NREP: variants seen among roughly 807,000 people sequenced by gnomAD.
The protein encoded by NREP is neuronal regeneration related protein, also known as neuronal regeneration-related protein.
Under a neutral mutation model 8.6 loss-of-function variants are expected in NREP, and 5 were observed. The ratio of observed to expected loss-of-function variants is 0.58; its 90% CI spans 0.30 to 1.22. The LOEUF (loss-of-function observed/expected upper bound fraction) is 1.22, where lower values mean the gene tolerates loss of function less well. Ranked by LOEUF, NREP falls within the 50% of genes most tolerant of loss-of-function variation. The pLI, the probability that NREP is intolerant of heterozygous loss-of-function variation, is 0.07. For missense variants in NREP, 86 were observed against 82.5 expected, an observed-to-expected ratio of 1.04 and a Z score of -0.17; for synonymous variants, 27 against 28.0, an observed-to-expected ratio of 0.96 and a Z score of 0.11.
At chr5:111,756,883 C>G (rs1750747945) in intron 1 of NREP, among the ~76,000 whole-genome samples, 1 of 152,162 alleles carries the variant, frequency 6.6e-6, no homozygotes, top group African/African-American at 2.4e-5. Context: ...AAACCCCACC[C>G]CTTCCCAAAA....
At chr5:111,798,096 T>A (rs1751913864) in intron 2 of NREP, among the ~76,000 whole-genome samples, 1 of 152,194 alleles carries the variant, frequency 6.6e-6, no homozygotes, top group East Asian at 1.9e-4. Context: ...TGACTTAACT[T>A]GGATATTTTG....
In NREP at chr5:111,822,448, G is replaced by A. The variant is rs557825118; in HGVS notation, c.136-86941C>T. 4.6e-5 allele frequency among the ~76,000 whole-genome samples: 7 copies of A among 152,244 alleles called. No homozygotes were observed. In the South Asian group the frequency reaches 1.2e-3, roughly 27 times the overall value. On this transcript the variant is annotated intron_variant, in intron 2 of 3. Transcript: ENST00000395634. ...GAGCTTTCAAAAGAGGAGAGACCTC[G>A]GTAAACATCCAGGCTATCAATCGGG...
chr5:111,929,520 A>G (rs1297200307), intron 2 of NREP, among the ~76,000 whole-genome samples: 1 of 152,220 alleles, frequency 6.6e-6, no homozygotes, highest in East Asian at 1.9e-4. Flanking sequence ...TGCTGGCCAC[A>G]TATATTTAGA....
chr5:111,763,846 C>T (rs150336310), intron 2 of NREP, among the ~76,000 whole-genome samples: 2 of 152,240 alleles, frequency 1.3e-5, no homozygotes, highest in Non-Finnish European at 2.9e-5. Flanking sequence ...ATGTTTGTTC[C>T]CCCTGGAAGA....
intron 2 of NREP, among the ~76,000 whole-genome samples, chr5:111,808,655 G>C (rs759420292): frequency 6.6e-6 from 1 of 152,010 alleles, no homozygotes; most frequent in Non-Finnish European, 1.5e-5. Flanking sequence ...TTTCTACTTA[G>C]CTCATAGGAC....
intron 2 of NREP, among the ~76,000 whole-genome samples, chr5:111,855,587 A>G (rs1753408415): frequency 6.6e-6 from 1 of 152,322 alleles, no homozygotes; most frequent in East Asian, 1.9e-4. Context: ...CCTGACTGAC[A>G]GGCCACCAGA....
intron 2 of NREP, among the ~76,000 whole-genome samples, chr5:111,844,952 A>G (rs1753123108): frequency 6.6e-6 from 1 of 151,728 alleles, no homozygotes; most frequent in African/African-American, 2.4e-5. Context: ...AATAAATATT[A>G]TATATATAAA....
intron 2 of NREP, among the ~76,000 whole-genome samples, chr5:111,920,697 C>T (rs893072316): frequency 3.3e-5 from 5 of 152,108 alleles, no homozygotes; most frequent in African/African-American, 4.8e-5. Context: ...TGAATCCCCA[C>T]CCCACCCTTT....
intron 2 of NREP, among the ~76,000 whole-genome samples, chr5:111,755,124 G>C (rs566398106): frequency 6.6e-6 from 1 of 151,892 alleles, no homozygotes; most frequent in East Asian, 1.9e-4. Flanking sequence ...TCCTTAATCA[G>C]TAATCAAACA....
intron 2 of NREP, among the ~76,000 whole-genome samples, chr5:111,892,198 A>G (rs1317359987): frequency 1.3e-5 from 2 of 152,224 alleles, no homozygotes; most frequent in Non-Finnish European, 2.9e-5. Flanking sequence ...ATACATTACT[A>G]TGGGTACCTA....
chr5:111,934,913 C>T (rs554246564), intron 2 of NREP, among the ~76,000 whole-genome samples: 20 of 151,880 alleles, frequency 1.3e-4, no homozygotes, highest in Admixed American at 3.9e-4. Context: ...GAGCCAGATG[C>T]TGCTTTGCCT....
chr5:111,756,329 G>GGT (rs1750707367), intron 1 of NREP: 2 of 727,374 alleles, frequency 2.7e-6, no homozygotes, highest in African/African-American at 4.1e-5. Flanking sequence ...ACGGCGGGGG[G>GGT]GGTGGGGGGA....
chr5:111,896,216 C>A (rs899818569), intron 2 of NREP, among the ~76,000 whole-genome samples: 2 of 151,868 alleles, frequency 1.3e-5, no homozygotes, highest in Non-Finnish European at 2.9e-5. Context: ...AGGGTGGCAA[C>A]CATAAAGATG....
chr5:111,955,914 C>A (rs200786492), intron 2 of NREP, among the ~76,000 whole-genome samples: 2,914 of 64,264 alleles, frequency 0.045, 70 homozygotes, highest in African/African-American at 0.093. Context: ...AAAAAAAAAA[C>A]AAAAACGTTG....
At chr5:111,800,092 T>G (rs913435303) in intron 2 of NREP, among the ~76,000 whole-genome samples, 1 of 151,078 alleles carries the variant, frequency 6.6e-6, no homozygotes, top group African/African-American at 2.4e-5. Flanking sequence ...CTACTTTTTT[T>G]TTTTTTTTGT....
intron 2 of NREP, among the ~76,000 whole-genome samples, chr5:111,809,868 G>GCC (rs1752229833): frequency 9.8e-6 from 1 of 102,542 alleles, no homozygotes; most frequent in East Asian, 3.3e-4. Flanking sequence ...CTGGGACTTT[G>GCC]GCGTGTGTGT....
intron 2 of NREP, among the ~76,000 whole-genome samples, chr5:111,938,422 G>A (rs984730601): frequency 3.3e-5 from 5 of 152,052 alleles, no homozygotes; most frequent in African/African-American, 1.2e-4. Flanking sequence ...ATAAGAGTAT[G>A]CTCCTCAATT....
chr5:111,841,077 G>C (rs1033430252), intron 2 of NREP, among the ~76,000 whole-genome samples: 1 of 152,092 alleles, frequency 6.6e-6, no homozygotes, highest in East Asian at 1.9e-4. Context: ...CATGATCCCA[G>C]AGAATAAGTA....
At chr5:111,845,938 A>T (rs923902400) in intron 2 of NREP, 15 of 152,108 alleles carry the variant, frequency 9.9e-5, no homozygotes, top group African/African-American at 2.9e-4. Flanking sequence ...GTGCACAACT[A>T]TGACTCCATA....
Sources: allele counts gnomAD v4.1 joint callset (sites outside exome capture counted in the v4.1 genomes callset), GRCh38; gene constraint gnomAD v4.1.1; transcripts MANE v1.5; gene names NCBI Gene and HGNC (gene_info 2026-07-23, HGNC 2026-07-21).